BRI3BP: variants seen among roughly 807,000 people sequenced by gnomAD.
BRI3BP encodes the protein BRI3 binding protein.
Under a neutral mutation model 15.8 loss-of-function variants are expected in BRI3BP, and 7 were observed. The observed-to-expected ratio is 0.44, with a 90% CI of 0.25 to 0.83. BRI3BP has a LOEUF of 0.83. Among genes scored for constraint, BRI3BP ranks in the 40% least tolerant of loss-of-function variants. BRI3BP has a pLI of 0.20. For synonymous variants in BRI3BP, 192 were observed against 163.5 expected, an observed-to-expected ratio of 1.17 and a Z score of -1.33; for missense variants, 320 against 339.3, an observed-to-expected ratio of 0.94 and a Z score of 0.45.
At chr12:125,003,690 T>A (rs1229990662) in intron 1 of BRI3BP, among the ~76,000 whole-genome samples, 1 of 152,126 alleles carries the variant, frequency 6.6e-6, no homozygotes, top group Non-Finnish European at 1.5e-5. Context: ...TGGTGGCTCA[T>A]GCCTGTAATC....
chr12:125,037,313 C>T, the BRI3BP span, among the ~76,000 whole-genome samples: 1 of 152,140 alleles, frequency 6.6e-6, no homozygotes, highest in African/African-American at 2.4e-5. Flanking sequence ...CTGCCTTGGC[C>T]TCCCACAGTG....
Position 125,029,383 on chromosome 12 carries a change from A to G in BRI3BP, c.*3953A>G, listed in dbSNP as rs1203441384. 3 of 99,914 alleles carry G rather than the reference A, an allele frequency of 3.0e-5. No individual in the cohort carries two copies. 6.2% of individuals were successfully genotyped at this position (99,914 alleles called of 1,614,324 possible). On this transcript the variant is annotated 3_prime_UTR_variant, in exon 3 of 3. Transcript: ENST00000341446. ...TACAAAAAAAAAAAAAAAAAAAAAA[A>G]TAGCCAGGTGTGGTGGTGGGTTCCT...
At chr12:125,024,052 CACAA>C (rs1365103649) in intron 2 of BRI3BP, among the ~76,000 whole-genome samples, 1 of 152,164 alleles carries the variant, frequency 6.6e-6, no homozygotes, top group Non-Finnish European at 1.5e-5. Context: ...ACCTCAAAAA[CACAA>C]ACAAAAAAAC....
At chr12:125,000,070 G>GTT (rs1491524851) in intron 1 of BRI3BP, among the ~76,000 whole-genome samples, 1 of 28,108 alleles carries the variant, frequency 3.6e-5, no homozygotes, top group African/African-American at 1.4e-4. Context: ...TTTTGTTTTT[G>GTT]CTTTTTTTTT....
chr12:124,994,384 C>A (rs1431170335), intron 1 of BRI3BP, among the ~76,000 whole-genome samples: 4 of 152,204 alleles, frequency 2.6e-5, no homozygotes, highest in African/African-American at 7.2e-5. Flanking sequence ...CCCCACGCGG[C>A]TGCGCCCTCC....
In BRI3BP at chr12:125,002,456, GT is replaced by G. The variant is rs1565902224; in HGVS notation, c.213+8457del. Among the ~76,000 whole-genome samples, 19 of 131,212 alleles carry G rather than the reference GT, an allele frequency of 1.4e-4. 1 individual carries two copies. The highest frequency in any genetic ancestry group is 2.4e-4 in the African/African-American group (9 of 37,228). The allele number at this position is 131,212 out of a possible 152,430, so 86.1% of individuals were successfully genotyped here. A position where few individuals can be genotyped will look rare whatever the true frequency, so the allele number is the denominator to read the frequency against. On this transcript the variant is annotated intron_variant, in intron 1 of 2. Coordinates refer to ENST00000341446, the MANE Select transcript of BRI3BP (RefSeq NM_080626.6). ...CAGTCCAGAACTGGTTTTTTTTTTT[GT>G]TTTGTTTTTTTTTTTTTTGAGACAG...
rs1813578101 is a variant in BRI3BP at position 125,012,690 on chromosome 12, A to G, written c.316+54A>G. On this transcript the variant is annotated intron_variant, in intron 2 of 2. Coordinates refer to ENST00000341446, the MANE Select transcript of BRI3BP (RefSeq NM_080626.6). ...GTGTCATTCTATTTTGGTGGTTCTC[A>G]TAGTGTGGAACTGGTACTCACAGTG... 4 of 1,390,456 alleles carry G rather than the reference A, an allele frequency of 2.9e-6. No homozygotes were observed. In the East Asian group the frequency reaches 9.2e-5, roughly 32 times the overall value. 86.1% of individuals were successfully genotyped at this position (1,390,456 alleles called of 1,614,324 possible).
chr12:125,022,892 T>C (rs1955313209), intron 2 of BRI3BP, among the ~76,000 whole-genome samples: 1 of 152,216 alleles, frequency 6.6e-6, no homozygotes, highest in African/African-American at 2.4e-5. Context: ...CTTAGATGTA[T>C]GATGAAGTAT....
At chr12:125,019,848 A>G (rs1955281013) in intron 2 of BRI3BP, among the ~76,000 whole-genome samples, 1 of 151,918 alleles carries the variant, frequency 6.6e-6, no homozygotes, top group Non-Finnish European at 1.5e-5. Context: ...TCTGCTTTAG[A>G]AACAGTTGCT....
the BRI3BP span, among the ~76,000 whole-genome samples, chr12:125,050,897 C>T: frequency 1.3e-5 from 2 of 152,220 alleles, no homozygotes; most frequent in Admixed American, 6.5e-5. Flanking sequence ...CATCTTATTA[C>T]AACATCTATC....
Position 125,028,521 on chromosome 12 carries a change from G to A in BRI3BP, c.*3091G>A, listed in dbSNP as rs908492215. On this transcript the variant is annotated 3_prime_UTR_variant, in exon 3 of 3. Transcript: ENST00000341446. ...TATTTTTTTTTTCCACTCTGGCTAA[G>A]TGTAGGCTCTGAAGCCAGTTTTATA... 8 of 152,158 alleles carry A rather than the reference G, an allele frequency of 5.3e-5. No individual in the cohort carries two copies. The highest frequency in any genetic ancestry group is 1.9e-4 in the African/African-American group (8 of 41,440). The allele number at this position is 152,158 out of a possible 1,614,324, so 9.4% of individuals were successfully genotyped here. A position where few individuals can be genotyped will look rare whatever the true frequency, so the allele number is the denominator to read the frequency against.
At chr12:125,048,015 TAAAA>T in the BRI3BP span, among the ~76,000 whole-genome samples, 93 of 137,106 alleles carry the variant, frequency 6.8e-4, no homozygotes, top group Non-Finnish European at 4.5e-4. Flanking sequence ...TTCTTATAGT[TAAAA>T]AAAAAAAAAA....
downstream of BRI3BP, among the ~76,000 whole-genome samples, chr12:125,031,971 C>T (rs146617294): frequency 4.6e-4 from 70 of 152,162 alleles, no homozygotes; most frequent in African/African-American, 1.7e-3. Context: ...GATAAGGGGA[C>T]AATTTGAGGC....
At chr12:125,003,191 G>T (rs1955111398) in intron 1 of BRI3BP, among the ~76,000 whole-genome samples, 2 of 152,196 alleles carry the variant, frequency 1.3e-5, no homozygotes, top group Admixed American at 6.5e-5. Flanking sequence ...CCGTTTGCAT[G>T]TGCCTGAGGG....
chr12:125,016,860 A>G (rs1955250210), intron 2 of BRI3BP, among the ~76,000 whole-genome samples: 1 of 66,210 alleles, frequency 1.5e-5, no homozygotes, highest in Non-Finnish European at 2.8e-5. Flanking sequence ...TTTGAGACAG[A>G]GTCTTGCTCT....
chr12:124,997,787 G>A (rs949421705), intron 1 of BRI3BP, among the ~76,000 whole-genome samples: 1 of 151,766 alleles, frequency 6.6e-6, no homozygotes, highest in East Asian at 2.0e-4. Context: ...TCAGGAGCTC[G>A]AGACCAGCCT....
At chr12:125,034,751 A>G (rs974633959), downstream of BRI3BP, among the ~76,000 whole-genome samples, 11 of 151,898 alleles carry the variant, frequency 7.2e-5, no homozygotes, top group Admixed American at 1.3e-4. Flanking sequence ...CACCACGCCC[A>G]GCTAATTTTT....
At chr12:125,035,291 C>G (rs1343554103), downstream of BRI3BP, among the ~76,000 whole-genome samples, 2 of 152,198 alleles carry the variant, frequency 1.3e-5, no homozygotes, top group African/African-American at 4.8e-5. Context: ...ATTTTACATT[C>G]CTACCCACTG....
intron 1 of BRI3BP, among the ~76,000 whole-genome samples, chr12:125,004,273 G>A (rs1268985157): frequency 1.3e-5 from 2 of 152,056 alleles, no homozygotes; most frequent in East Asian, 1.9e-4. Context: ...TCCCAGGTTC[G>A]ATGATCCCCC....
Sources: gnomAD v4.1 joint callset for allele counts (sites outside exome capture counted in the v4.1 genomes callset) on GRCh38, gnomAD v4.1.1 for gene constraint, MANE v1.5 for transcripts, NCBI Gene and HGNC (gene_info 2026-07-23, HGNC 2026-07-21) for gene names.